The following LEMD2 variants were observed in gnomAD, a reference collection of about 807,000 sequenced individuals.
LEMD2 encodes the protein LEM domain nuclear envelope protein 2.
A neutral mutation model predicts 58.8 loss-of-function variants in LEMD2; 34 were observed. That is an observed-to-expected ratio of 0.58 (90% CI 0.44 to 0.77). LEMD2 has a LOEUF of 0.77. Ranked by LOEUF, LEMD2 falls within the 30% of genes least tolerant of loss-of-function variation. The pLI is 0.00. For missense variants in LEMD2, 629 were observed against 717.9 expected (o/e 0.88, Z 1.42); for synonymous variants, 298 against 308.9 (o/e 0.96, Z 0.37).
rs771704850 is a variant in LEMD2 at position 33,778,626 on chromosome 6, C to A, written c.1011-239G>T. On this transcript the variant is annotated intron_variant, in intron 5 of 8. Transcript: ENST00000293760. The surrounding 1 kb of genome is among the most constrained non-coding windows in gnomAD (Gnocchi z 4.7). Reference sequence around the variant, plus strand: ...AACCCCTACCGCTAAAGCAACGTCCCCCTGTCAGGTCTTTGACAGCCTCTC... The same window carrying A: ...AACCCCTACCGCTAAAGCAACGTCCACCTGTCAGGTCTTTGACAGCCTCTC... 1.9e-3 allele frequency: 708 copies of A among 366,300 alleles called. 3 individuals are homozygous for A. The highest frequency in any genetic ancestry group is 1.8e-3 in the Non-Finnish European group (378 of 205,722). The allele number at this position is 366,300 out of a possible 1,614,324, so 22.7% of individuals were successfully genotyped here.
At position 33,778,362 on chromosome 6, in the gene LEMD2, A is replaced by G. The variant is rs771130919; in HGVS notation, c.1036T>C (p.Leu346=). ...ACCACCTTGTCCACAGTCGTCACCAATTCAGACTGGTCTTCTCCTTTCAAC... is the reference window on the plus strand; with the variant it reads ...ACCACCTTGTCCACAGTCGTCACCAGTTCAGACTGGTCTTCTCCTTTCAAC... ...IWLKGEDQSE[L]VTTVDKVVCL... is the part of the protein sequence containing the mutation. The change falls in exon 6 of 9, where the codon TTG becomes CTG. Residue 346 remains leucine, a synonymous_variant. Transcript: ENST00000293760. The surrounding 1 kb of genome is among the most constrained non-coding windows in gnomAD (Gnocchi z 4.7). 4.4e-6 allele frequency: 7 copies of G among 1,580,820 alleles called. No individual in the cohort carries two copies. In the Admixed American group the frequency reaches 8.9e-5, roughly 20 times the overall value.
chr6:33,776,868 T>C (rs1767441418), intron 8 of LEMD2, 86 bp downstream of exon 8: 5 of 1,096,330 alleles, frequency 4.6e-6, no homozygotes, highest in African/African-American at 3.1e-5. Context: ...TGACATCTGA[T>C]GCAAGGCTCT....
chr6:33,774,999 A>ATGAAT (rs1767397152), intron 8 of LEMD2, among the ~76,000 whole-genome samples: 5 of 145,206 alleles, frequency 3.4e-5, no homozygotes, highest in African/African-American at 1.0e-4. Context: ...AATGAATGAT[A>ATGAAT]GTCTCTTCGT....
In LEMD2 at chr6:33,772,546, C is replaced by T. The variant is rs1767324202; in HGVS notation, c.*82G>A. 5.9e-6 allele frequency: 8 copies of T among 1,365,418 alleles called. No homozygotes were observed. In the South Asian group the frequency reaches 9.4e-5, roughly 16 times the overall value. 84.6% of individuals were successfully genotyped at this position (1,365,418 alleles called of 1,614,324 possible). A position where few individuals can be genotyped will look rare whatever the true frequency, so the allele number is the denominator to read the frequency against. On this transcript the variant is annotated 3_prime_UTR_variant, in exon 9 of 9. Transcript: ENST00000293760. Reference sequence around the variant, plus strand: ...AGTCAAGGCAAGTGTGAATTCAGCACCGCAGGCCTGGTGACCCTCCTGTGC... The same window carrying T: ...AGTCAAGGCAAGTGTGAATTCAGCATCGCAGGCCTGGTGACCCTCCTGTGC...
At chr6:33,776,216 G>C (rs374351650) in intron 8 of LEMD2, among the ~76,000 whole-genome samples, 5 of 152,236 alleles carry the variant, frequency 3.3e-5, no homozygotes, top group Admixed American at 1.3e-4. Flanking sequence ...GTACGCATGC[G>C]TGTGTGGGAA....
intron 8 of LEMD2, 125 bp downstream of exon 8, chr6:33,776,829 T>C (rs76068590): frequency 0.028 from 20,759 of 741,534 alleles, 434 homozygotes; most frequent in South Asian, 0.065. Context: ...AGAGCCACTC[T>C]TGGCCCTGGG....
At chr6:33,783,392 A>C (rs1017028272) in intron 3 of LEMD2, among the ~76,000 whole-genome samples, 3 of 152,176 alleles carry the variant, frequency 2.0e-5, no homozygotes, top group African/African-American at 7.2e-5. Context: ...GCCCAGGAGA[A>C]GTCCACCCGA....
At chr6:33,773,111 G>T (rs1213436840) in intron 8 of LEMD2, among the ~76,000 whole-genome samples, 2 of 152,170 alleles carry the variant, frequency 1.3e-5, no homozygotes, top group Non-Finnish European at 2.9e-5. Flanking sequence ...CCCTTGCCAA[G>T]CCAGTTCCAG....
intron 2 of LEMD2, among the ~76,000 whole-genome samples, chr6:33,785,457 C>T (rs888214622): frequency 7.9e-5 from 12 of 152,176 alleles, no homozygotes; most frequent in African/African-American, 2.4e-4. Flanking sequence ...TAGCTAGGAC[C>T]TGGAGGGTAC....
intron 3 of LEMD2, chr6:33,782,254 A>G (rs34472165): frequency 0.12 from 18,407 of 152,282 alleles, 1,465 homozygotes; most frequent in Middle Eastern, 0.22. Flanking sequence ...TGTTTTGTCA[A>G]TAACACTTGA....
chr6:33,772,797 G>T lies in LEMD2; in HGVS notation c.1362-19C>A. 1 of 1,609,492 alleles carries T rather than the reference G, an allele frequency of 6.2e-7. No individual in the cohort carries two copies. Among genetic ancestry groups the T allele is most frequent in the Non-Finnish European group, 8.5e-7 (1 of 1,177,842 alleles). On this transcript the variant is annotated intron_variant, in intron 8 of 8. Coordinates refer to ENST00000293760, the MANE Select transcript of LEMD2 (RefSeq NM_181336.4). ...GCGCCTCCTGCAATGAGAGGGACGG[G>T]GCTCTGCCTGGCACTGCCGAGGTGA...
rs758012311 is a variant in LEMD2 at position 33,784,339 on chromosome 6, G to A, written c.853+13C>T. 4 of 1,607,646 alleles carry A rather than the reference G, an allele frequency of 2.5e-6. No homozygotes were observed. The highest frequency in any genetic ancestry group is 1.1e-5 in the South Asian group (1 of 90,946). On this transcript the variant is annotated intron_variant, in intron 3 of 8. Coordinates refer to ENST00000293760, the MANE Select transcript of LEMD2 (RefSeq NM_181336.4). ...TCACAAGAGGAATCTCAGGACTTACGTGACTTACTCACCAGCTTGGATGGC... is the reference window on the plus strand; with the variant it reads ...TCACAAGAGGAATCTCAGGACTTACATGACTTACTCACCAGCTTGGATGGC...
chr6:33,787,126 A>C, intron 1 of LEMD2: 2 of 267,560 alleles, frequency 7.5e-6, no homozygotes, highest in African/African-American at 2.2e-5. Flanking sequence ...AAAACAAAAT[A>C]TAGGAGTTTT....
chr6:33,785,203 G>C (rs1715984990), intron 2 of LEMD2, among the ~76,000 whole-genome samples: 2 of 152,102 alleles, frequency 1.3e-5, no homozygotes, highest in Admixed American at 1.3e-4. Context: ...CAAAGAATAA[G>C]ACTTTCAGCA....
chr6:33,788,317 C>CG (rs906000034), intron 1 of LEMD2, 64 bp downstream of exon 1: 84 of 1,467,398 alleles, frequency 5.7e-5, no homozygotes, highest in Admixed American at 2.3e-4. Context: ...CCGACAGGAA[C>CG]GGGGGGTCCT....
intron 6 of LEMD2, among the ~76,000 whole-genome samples, chr6:33,777,858 T>C (rs556439566): frequency 1.3e-5 from 2 of 152,306 alleles, no homozygotes; most frequent in Admixed American, 1.3e-4. Flanking sequence ...GAGATGTTTA[T>C]ATTTTTCAGG....
At chr6:33,784,230 C>T in intron 3 of LEMD2, 122 bp downstream of exon 3, 1 of 805,104 alleles carries the variant, frequency 1.2e-6, no homozygotes, top group South Asian at 1.5e-5. Flanking sequence ...CTGAATATGC[C>T]TTCTGAGAGA....
chr6:33,786,394 C>T (rs752629462), intron 2 of LEMD2, among the ~76,000 whole-genome samples: 1 of 152,152 alleles, frequency 6.6e-6, no homozygotes, highest in Non-Finnish European at 1.5e-5. Flanking sequence ...AAACGCCGGC[C>T]CTTCCTCCCA....
intron 8 of LEMD2, 130 bp from the exon 9 acceptor site, chr6:33,772,908 G>A: frequency 2.5e-6 from 2 of 784,778 alleles, no homozygotes; most frequent in East Asian, 2.7e-5. Flanking sequence ...AAGCTGGCAG[G>A]TACTAACATG....
Sources: allele counts gnomAD v4.1 joint callset (sites outside exome capture counted in the v4.1 genomes callset), GRCh38; gene constraint gnomAD v4.1.1; non-coding constraint Gnocchi (gnomAD v3.1); transcripts MANE v1.5; gene names NCBI Gene and HGNC (gene_info 2026-07-23, HGNC 2026-07-21).